ZFP90: variants seen among roughly 807,000 people sequenced by gnomAD.
The protein encoded by ZFP90 is zinc finger protein 90 homolog.
Under a neutral mutation model 60.8 loss-of-function variants are expected in ZFP90, and 38 were observed. The ratio of observed to expected loss-of-function variants is 0.62; its 90% confidence interval spans 0.48 to 0.82. The LOEUF (loss-of-function observed/expected upper bound fraction) is 0.82. Among genes scored for constraint, ZFP90 ranks in the 40% least tolerant of loss-of-function variants. The pLI, the probability that ZFP90 is intolerant of heterozygous loss-of-function variation, is 0.00. For synonymous variants in ZFP90, 287 were observed against 264.8 expected (o/e 1.08, Z -0.82); for missense variants, 711 against 759.1 (o/e 0.94, Z 0.74).
chr16:68,534,596 CTTTAG>C (rs1207124528), upstream of ZFP90, among the ~76,000 whole-genome samples: 1 of 151,550 alleles, frequency 6.6e-6, no homozygotes, highest in Non-Finnish European at 1.5e-5. Context: ...CCAACCCCTA[CTTTAG>C]TTTATTAAAA....
In ZFP90 at chr16:68,566,137, A is replaced by C. The variant is rs1343384379; in HGVS notation, c.*1439A>C. ...AACAGAGCAAGACACACACACATCAATTTATTTTAGTTGTATAATGCTTTT... is the reference window on the plus strand; with the variant it reads ...AACAGAGCAAGACACACACACATCACTTTATTTTAGTTGTATAATGCTTTT... On this transcript the variant is annotated 3_prime_UTR_variant, in exon 5 of 5. Transcript: ENST00000563169. 1 of 973,460 alleles carries C rather than the reference A, an allele frequency of 1.0e-6. No individual in the cohort carries two copies. Among genetic ancestry groups the C allele is most frequent in the Non-Finnish European group, 1.2e-6 (1 of 824,316 alleles). The allele number at this position is 973,460 out of a possible 1,614,324, so 60.3% of individuals were successfully genotyped here.
chr16:68,552,759 T>A (rs2091282249), intron 2 of ZFP90, among the ~76,000 whole-genome samples: 2 of 152,074 alleles, frequency 1.3e-5, no homozygotes, highest in Admixed American at 1.3e-4. Flanking sequence ...GACAAATATT[T>A]ATTAAATATT....
Position 68,566,122 on chromosome 16 carries a change from G to GAC in ZFP90, c.*1434_*1435dup, listed in dbSNP as rs36048265. 0.76 allele frequency: 739,954 copies of GAC among 970,864 alleles called. 281,515 individuals carry two copies. The highest frequency in any genetic ancestry group is 0.81 in the East Asian group (7,143 of 8,828). The allele number at this position is 970,864 out of a possible 1,614,324, so 60.1% of individuals were successfully genotyped here. ...CATTCCAGCCTGAGCAACAGAGCAA[G>GAC]ACACACACACATCAATTTATTTTAG... On this transcript the variant is annotated 3_prime_UTR_variant, in exon 5 of 5. Transcript: ENST00000563169.
intron 2 of ZFP90, among the ~76,000 whole-genome samples, chr16:68,544,079 C>T (rs1044729484): frequency 2.0e-5 from 3 of 152,128 alleles, no homozygotes; most frequent in African/African-American, 7.2e-5. Context: ...GTCTTGAACT[C>T]CTGACCTCAA....
chr16:68,539,726 C>T, intron 1 of ZFP90, 32 bp from the exon 2 acceptor site: 3 of 1,490,966 alleles, frequency 2.0e-6, no homozygotes, highest in African/African-American at 1.4e-5. Context: ...GGTGTTGCAG[C>T]GGGGTGAGTG....
intron 2 of ZFP90, among the ~76,000 whole-genome samples, chr16:68,550,496 T>C (rs1728771): frequency 0.77 from 116,565 of 152,120 alleles, 44,756 homozygotes; most frequent in East Asian, 0.82. Context: ...GGTGATCCAC[T>C]CACCTCAGCC....
rs1728788 is a variant in ZFP90, at chr16:68,561,115, G to C, written c.257-1929G>C. Among the ~76,000 whole-genome samples the C allele has an allele frequency of 1.3e-5, 2 of 151,830 alleles. 1 individual carries two copies. Among genetic ancestry groups the C allele is most frequent in the Admixed American group, 1.3e-4 (2 of 15,252 alleles). On this transcript the variant is annotated intron_variant, in intron 4 of 4. Transcript: ENST00000563169. ...TCACCGTGTTGCCCAGGCTGGTTGC[G>C]AACTCCTGAGCTCAGGCAATGTGCC...
chr16:68,566,966 A>C lies in ZFP90; in HGVS notation c.*2268A>C. The C allele has an allele frequency of 1.0e-6, 1 of 985,634 alleles. No individual in the cohort carries two copies. The highest frequency in any genetic ancestry group is 1.7e-5 in the African/African-American group (1 of 57,362). The allele number at this position is 985,634 out of a possible 1,614,324, so 61.1% of individuals were successfully genotyped here. A position where few individuals can be genotyped will look rare whatever the true frequency, so the allele number is the denominator to read the frequency against. Reference sequence around the variant, plus strand: ...TCTGAAACTCAGCACATCTTCATTGACAGGGAGGGAGCCCAGGACATATGT... The same window carrying C: ...TCTGAAACTCAGCACATCTTCATTGCCAGGGAGGGAGCCCAGGACATATGT... On this transcript the variant is annotated 3_prime_UTR_variant, in exon 5 of 5. Transcript: ENST00000563169.
chr16:68,548,408 T>G (rs2091191864), intron 2 of ZFP90, among the ~76,000 whole-genome samples: 1 of 151,952 alleles, frequency 6.6e-6, no homozygotes, highest in Non-Finnish European at 1.5e-5. Context: ...TTTAAAAGTT[T>G]TTTGTTAAGA....
intron 2 of ZFP90, among the ~76,000 whole-genome samples, chr16:68,554,050 A>G (rs1597732678): frequency 6.6e-6 from 1 of 151,904 alleles, no homozygotes; most frequent in African/African-American, 2.4e-5. Context: ...AGATGGTGAC[A>G]CGAACTAGGG....
At chr16:68,536,998 A>G (rs73562125), upstream of ZFP90, among the ~76,000 whole-genome samples, 5,187 of 152,256 alleles carry the variant, frequency 0.034, 278 homozygotes, top group African/African-American at 0.12. Flanking sequence ...TCACTCTGCT[A>G]AGGTACATTA....
At chr16:68,558,433 T>C in intron 3 of ZFP90, 40 bp from the exon 4 acceptor site, 1 of 1,590,052 alleles carries the variant, frequency 6.3e-7, no homozygotes, top group Non-Finnish European at 8.6e-7. Flanking sequence ...TTTGTCCACT[T>C]GCACAAACAA....
Position 68,563,204 on chromosome 16 carries a change from A to T in ZFP90, c.417A>T (p.Gly139=). The T allele has an allele frequency of 6.2e-7, 1 of 1,614,178 alleles. No homozygotes were observed. Among genetic ancestry groups the T allele is most frequent in the Non-Finnish European group, 8.5e-7 (1 of 1,180,018 alleles). The change falls in exon 5 of 5, where the codon GGA becomes GGT. Residue 139 remains glycine (G), a synonymous_variant. Transcript: ENST00000563169. ...RQQENWKRHL[G]SEASTQKKII... Reference sequence around the variant, plus strand: ...AGGAAAACTGGAAGAGACATCTGGGATCAGAGGCATCCACCCAGAAGAAAA... The same window carrying T: ...AGGAAAACTGGAAGAGACATCTGGGTTCAGAGGCATCCACCCAGAAGAAAA...
chr16:68,575,154 C>T (rs1481889805), intron 2 of ZFP90, among the ~76,000 whole-genome samples: 1 of 152,214 alleles, frequency 6.6e-6, no homozygotes, highest in East Asian at 1.9e-4. Flanking sequence ...GTGTCCCCAC[C>T]TGGGCCTCCC....
downstream of ZFP90, among the ~76,000 whole-genome samples, chr16:68,568,156 TTCCAGGAAGGCAAG>T (rs2091548420): frequency 6.6e-6 from 1 of 152,220 alleles, no homozygotes; most frequent in Non-Finnish European, 1.5e-5. Flanking sequence ...AGATGGTGAG[TTCCAGGAAGGCAAG>T]AGTCCATGTC....
At chr16:68,559,099 A>T (rs6499181) in intron 4 of ZFP90, among the ~76,000 whole-genome samples, 116,908 of 152,108 alleles carry the variant, frequency 0.77, 45,009 homozygotes, top group East Asian at 0.82. Context: ...GCTTGTTAAG[A>T]GCTGCTTAGC....
intron 2 of ZFP90, among the ~76,000 whole-genome samples, chr16:68,543,379 A>G (rs1183724844): frequency 2.0e-5 from 3 of 152,218 alleles, no homozygotes; most frequent in Middle Eastern, 6.8e-3. Context: ...GATGAGTGGG[A>G]CCTTTCCCCT....
downstream of ZFP90, among the ~76,000 whole-genome samples, chr16:68,568,438 T>A (rs1362008927): frequency 6.6e-6 from 1 of 152,204 alleles, no homozygotes; most frequent in African/African-American, 2.4e-5. Context: ...TTTTATACAC[T>A]GCTGGCAAGA....
intron 2 of ZFP90, among the ~76,000 whole-genome samples, chr16:68,552,693 A>G (rs1184072724): frequency 6.6e-6 from 1 of 152,160 alleles, no homozygotes; most frequent in Non-Finnish European, 1.5e-5. Context: ...TCCCCAGGGG[A>G]CTAGGCCATG....
Sources: gnomAD v4.1 joint callset for allele counts (sites outside exome capture counted in the v4.1 genomes callset) on GRCh38, gnomAD v4.1.1 for gene constraint, MANE v1.5 for transcripts, NCBI Gene and HGNC (gene_info 2026-07-23, HGNC 2026-07-21) for gene names.